PTGR1: variants seen among roughly 807,000 people sequenced by gnomAD.
The protein encoded by PTGR1 is 15-oxoprostaglandin 13-reductase.
In PTGR1, 23 loss-of-function variants were observed where a neutral mutation model predicts 37.7. That is an observed-to-expected ratio of 0.61 (90% CI 0.44 to 0.86). The LOEUF is 0.86. Among genes scored for constraint, PTGR1 ranks in the 40% least tolerant of loss-of-function variants. PTGR1 has a pLI of 0.00. For synonymous variants in PTGR1, 134 were observed against 140.0 expected (o/e 0.96, Z 0.30); for missense variants, 351 against 394.3 (o/e 0.89, Z 0.93).
intron 5 of PTGR1, among the ~76,000 whole-genome samples, chr9:111,584,803 G>T (rs370831383): frequency 6.6e-6 from 1 of 152,086 alleles, no homozygotes; most frequent in Non-Finnish European, 1.5e-5. Flanking sequence ...TGCAACAACC[G>T]CAGGGAGAAG....
At chr9:111,569,401 CTA>C (rs1386715458) in intron 9 of PTGR1, among the ~76,000 whole-genome samples, 7 of 152,200 alleles carry the variant, frequency 4.6e-5, no homozygotes, top group African/African-American at 1.7e-4. Flanking sequence ...AGAATGATCA[CTA>C]TGAAATATTT....
chr9:111,561,108 T>TAG (rs1468727296), downstream of PTGR1, among the ~76,000 whole-genome samples: 533 of 20,846 alleles, frequency 0.026, 75 homozygotes, highest in East Asian at 0.058. Context: ...TATATATATA[T>TAG]ATAGAGAGAG....
intron 9 of PTGR1, chr9:111,564,389 T>C (rs1397528593): frequency 1.1e-5 from 3 of 279,632 alleles, no homozygotes; most frequent in African/African-American, 6.9e-5. Context: ...CACTGCAGTC[T>C]CAACCTCCTG....
chr9:111,584,551 T>C (rs1349008732), intron 5 of PTGR1, among the ~76,000 whole-genome samples: 2 of 152,162 alleles, frequency 1.3e-5, no homozygotes, highest in East Asian at 3.8e-4. Flanking sequence ...TGTTTTTGTT[T>C]AGAGGTGACC....
chr9:111,590,050 A>C (rs1829561596), intron 4 of PTGR1, among the ~76,000 whole-genome samples: 2 of 152,246 alleles, frequency 1.3e-5, no homozygotes, highest in African/African-American at 4.8e-5. Flanking sequence ...TTAAACTGTA[A>C]TTGGACACAG....
intron 4 of PTGR1, among the ~76,000 whole-genome samples, chr9:111,587,007 G>A (rs185094159): frequency 3.9e-5 from 6 of 152,000 alleles, no homozygotes; most frequent in Admixed American, 3.9e-4. Context: ...TAGGGACAGG[G>A]TTTCACCATG....
In PTGR1 at chr9:111,562,801, A is replaced by G. The variant is rs1049528594; in HGVS notation, c.*320T>C. ...GTGTGTTGTTCCCCTCCCTATGTCC[A>G]TGTGTTCTCATTGTTCAGCTCCCAC... On this transcript the variant is annotated 3_prime_UTR_variant, in exon 10 of 10. Transcript: ENST00000407693. 3 of 369,520 alleles carry G rather than the reference A, an allele frequency of 8.1e-6. No individual in the cohort carries two copies. The highest frequency in any genetic ancestry group is 1.3e-5 in the Non-Finnish European group (3 of 237,088). The allele number at this position is 369,520 out of a possible 1,614,324, so 22.9% of individuals were successfully genotyped here.
intron 4 of PTGR1, among the ~76,000 whole-genome samples, chr9:111,588,735 A>T (rs1829518051): frequency 6.6e-6 from 1 of 151,708 alleles, no homozygotes. Flanking sequence ...CATGTTGCCC[A>T]GGCTAGTCTT....
At position 111,594,962 on chromosome 9, in the gene PTGR1, C is replaced by T. The variant is rs189003797; in HGVS notation, c.107-695G>A. On this transcript the variant is annotated intron_variant, in intron 2 of 9. Coordinates refer to ENST00000407693, the MANE Select transcript of PTGR1 (RefSeq NM_001146108.2). Reference sequence around the variant, plus strand: ...CTCCATCTCCCAGGTTCAAGTGATTCTCATGCCTCAGCCTCCTGAGTAGCT... The same window carrying T: ...CTCCATCTCCCAGGTTCAAGTGATTTTCATGCCTCAGCCTCCTGAGTAGCT... Among the ~76,000 whole-genome samples, 307 of 145,188 alleles carry T rather than the reference C, an allele frequency of 2.1e-3. 2 individuals are homozygous for T. The highest frequency in any genetic ancestry group is 7.6e-3 in the Middle Eastern group (2 of 264).
At chr9:111,557,944 C>T (rs1188360419), downstream of PTGR1, among the ~76,000 whole-genome samples, 3 of 152,020 alleles carry the variant, frequency 2.0e-5, no homozygotes, top group East Asian at 5.8e-4. Flanking sequence ...GTTAAGAGTT[C>T]GAGGCCAGCC....
intron 9 of PTGR1, 70 bp from the exon 10 acceptor site, chr9:111,563,301 G>A: frequency 7.1e-7 from 1 of 1,404,500 alleles, no homozygotes. Flanking sequence ...TCTCATCCTA[G>A]CAACAAATTT....
downstream of PTGR1, among the ~76,000 whole-genome samples, chr9:111,558,824 ACAC>A (rs1216192179): frequency 6.6e-6 from 1 of 152,302 alleles, no homozygotes; most frequent in African/African-American, 2.4e-5. Context: ...TTCCAATCTA[ACAC>A]CACAAGGTTC....
chr9:111,598,981 T>C (rs1360868725), intron 1 of PTGR1, among the ~76,000 whole-genome samples: 1 of 151,896 alleles, frequency 6.6e-6, no homozygotes, highest in African/African-American at 2.4e-5. Context: ...CTGGCAACCA[T>C]CATTCTAGTC....
intron 4 of PTGR1, 90 bp from the exon 5 acceptor site, chr9:111,586,255 A>C: frequency 7.8e-7 from 1 of 1,287,158 alleles, no homozygotes; most frequent in Middle Eastern, 2.1e-4. Context: ...GTGTTGACAA[A>C]AGTGCACTGA....
intron 8 of PTGR1, among the ~76,000 whole-genome samples, chr9:111,571,656 T>TTTTGTTTG (rs112914784): frequency 2.2e-4 from 34 of 151,394 alleles, no homozygotes; most frequent in African/African-American, 7.2e-4. Context: ...TTTTTTTAGT[T>TTTTGTTTG]TTTGTTTGTT....
rs745307158 is a variant in PTGR1, at chr9:111,578,880, G to A, written c.567C>T (p.Val189=). Residue 189 remains valine, a synonymous_variant, in exon 7 of 10, where the codon GTC becomes GTT. Transcript: ENST00000407693. ...ACTCTACCGTCTTGTAGTTAAAGAC[G>A]ACATCAAATCCAAGCTTTTGAAGGT... The part of the protein sequence containing the change: ...VAYLQKLGFD[V]VFNYKTVESL... The A allele has an allele frequency of 7.4e-6, 12 of 1,611,128 alleles. No individual in the cohort carries two copies. The highest frequency in any genetic ancestry group is 3.3e-5 in the South Asian group (3 of 90,940).
chr9:111,565,916 T>C (rs1382651846), intron 9 of PTGR1, among the ~76,000 whole-genome samples: 1 of 152,110 alleles, frequency 6.6e-6, no homozygotes, highest in African/African-American at 2.4e-5. Flanking sequence ...AACTCACGAC[T>C]TAAAACCCAC....
intron 7 of PTGR1, chr9:111,575,466 T>G (rs967184163): frequency 6.6e-6 from 1 of 152,218 alleles, no homozygotes; most frequent in Non-Finnish European, 1.5e-5. Flanking sequence ...AAAAGGTGTA[T>G]AGAGAACAAA....
downstream of PTGR1, among the ~76,000 whole-genome samples, chr9:111,560,594 T>A (rs1828249071): frequency 2.5e-5 from 3 of 120,348 alleles, no homozygotes; most frequent in Non-Finnish European, 3.2e-5. Flanking sequence ...TGAGCAGAGA[T>A]CATGCTACTG....
Sources: gnomAD v4.1 joint callset for allele counts (sites outside exome capture counted in the v4.1 genomes callset) on GRCh38, gnomAD v4.1.1 for gene constraint, MANE v1.5 for transcripts, NCBI Gene and HGNC (gene_info 2026-07-23, HGNC 2026-07-21) for gene names.